Variants in PCDH15 observed in about 807,000 individuals in gnomAD.
PCDH15 encodes protocadherin related 15.
Under a neutral mutation model 178.5 loss-of-function variants are expected in PCDH15, and 129 were observed. The observed-to-expected ratio is 0.72, with a 90% CI of 0.63 to 0.84. The LOEUF is 0.84. Ranked by LOEUF, PCDH15 falls within the 40% of genes least tolerant of loss-of-function variation. PCDH15 has a pLI of 0.00. For missense variants in PCDH15, 2,230 were observed against 2,099.9 expected, an observed-to-expected ratio of 1.06 and a Z score of -1.21; for synonymous variants, 800 against 732.0, an observed-to-expected ratio of 1.09 and a Z score of -1.50.
intron 15 of PCDH15, among the ~76,000 whole-genome samples, chr10:54,131,138 C>T (rs754409066): frequency 6.6e-6 from 1 of 152,118 alleles, no homozygotes; most frequent in African/African-American, 2.4e-5. Context: ...CTTTAACTCA[C>T]AGGTAGAATT....
chr10:54,296,320 A>G lies in PCDH15; in HGVS notation c.876+20951T>C, dbSNP rs56289006. On this transcript the variant is annotated intron_variant, in intron 8 of 37. Coordinates refer to ENST00000644397, the MANE Select transcript of PCDH15 (RefSeq NM_001384140.1). ...TGTACTTCTGGGCTGAGCCGAGGGT[A>G]GACAGAGTGGAAAGCCATTCAGCTC... Among the ~76,000 whole-genome samples the G allele has an allele frequency of 1.6e-3, 238 of 151,702 alleles. 1 individual carries two copies. Among genetic ancestry groups the G allele is most frequent in the African/African-American group, 3.5e-3 (143 of 41,424 alleles).
intron 2 of PCDH15, among the ~76,000 whole-genome samples, chr10:54,986,083 T>C (rs1839356621): frequency 6.6e-6 from 1 of 152,204 alleles, no homozygotes; most frequent in South Asian, 2.1e-4. Context: ...GAGAATATCT[T>C]GTTGTCTTAT....
At chr10:54,488,320 A>AT (rs1274538608) in intron 3 of PCDH15, among the ~76,000 whole-genome samples, 18 of 151,988 alleles carry the variant, frequency 1.2e-4, no homozygotes, top group Non-Finnish European at 2.4e-4. Context: ...CTAAAGTAGA[A>AT]TATTAAAATA....
chr10:54,934,671 C>T (rs1006281432), intron 2 of PCDH15, among the ~76,000 whole-genome samples: 20 of 150,922 alleles, frequency 1.3e-4, no homozygotes, highest in East Asian at 5.9e-4. Flanking sequence ...GTCAGTGTGG[C>T]GATTCCTCAG....
At chr10:54,224,291 A>AT (rs932542343) in intron 9 of PCDH15, among the ~76,000 whole-genome samples, 6 of 152,110 alleles carry the variant, frequency 3.9e-5, no homozygotes, top group African/African-American at 7.2e-5. Flanking sequence ...TCTCCAGGTA[A>AT]TTTTTTTGTG....
intron 2 of PCDH15, among the ~76,000 whole-genome samples, chr10:54,905,762 CT>C (rs368529025): frequency 2.5e-4 from 38 of 152,182 alleles, no homozygotes; most frequent in African/African-American, 8.4e-4. Flanking sequence ...GGGTTGAGAT[CT>C]CTGAGTCATG....
At chr10:54,009,389 G>C (rs2092496195) in intron 20 of PCDH15, among the ~76,000 whole-genome samples, 1 of 151,844 alleles carries the variant, frequency 6.6e-6, no homozygotes, top group Non-Finnish European at 1.5e-5. Flanking sequence ...GATGGAAGGA[G>C]CTTACGATCT....
rs1325366877 is a variant in PCDH15 at position 53,945,835 on chromosome 10, T to TTG, written c.3123-4862_3123-4861dup. ...ATTTTTAAGGCTGAGTAATATTTCATTGTATATATATATATATATATATAT... is the reference window on the plus strand; with the variant it reads ...ATTTTTAAGGCTGAGTAATATTTCATTGTGTATATATATATATATATATATAT... On this transcript the variant is annotated intron_variant, in intron 23 of 37. Transcript: ENST00000644397. Among the ~76,000 whole-genome samples, 64 of 92,388 alleles carry TTG rather than the reference T, an allele frequency of 6.9e-4. 1 individual carries two copies. Among genetic ancestry groups the TTG allele is most frequent in the African/African-American group, 2.5e-3 (56 of 22,280 alleles). 60.6% of individuals were successfully genotyped at this position (92,388 alleles called of 152,430 possible). A position where few individuals can be genotyped will look rare whatever the true frequency, so the allele number is the denominator to read the frequency against.
At chr10:54,470,685 T>A (rs1390284095) in intron 3 of PCDH15, among the ~76,000 whole-genome samples, 1 of 152,112 alleles carries the variant, frequency 6.6e-6, no homozygotes, top group Non-Finnish European at 1.5e-5. Context: ...TGGGGAGCAT[T>A]TGCTTACTCT....
At chr10:54,621,467 C>A (rs761097732) in intron 2 of PCDH15, among the ~76,000 whole-genome samples, 2 of 151,866 alleles carry the variant, frequency 1.3e-5, no homozygotes, top group Non-Finnish European at 2.9e-5. Flanking sequence ...GCCTTGGAGT[C>A]CCGTTGTTCT....
rs552172461 is a variant in PCDH15 at position 54,392,228 on chromosome 10, G to A, written c.158-13286C>T. 1.9e-4 allele frequency among the ~76,000 whole-genome samples: 29 copies of A among 152,060 alleles called. No individual in the cohort carries two copies. The South Asian group carries it at 5.8e-3, about 30-fold the overall frequency. ...ACCTGTAATCACAACACTTTGGGAG[G>A]CTGAGGCAGGTGGATCTCCTGAGGC... On this transcript the variant is annotated intron_variant, in intron 3 of 37. Transcript: ENST00000644397.
chr10:55,527,497 C>T (rs1221567397), intron 2 of PCDH15, among the ~76,000 whole-genome samples: 1 of 151,942 alleles, frequency 6.6e-6, no homozygotes, highest in Non-Finnish European at 1.5e-5. Context: ...ATGACTTCAT[C>T]TTAAGGAATT....
At chr10:55,444,274 A>G (rs1589033576) in intron 2 of PCDH15, among the ~76,000 whole-genome samples, 1 of 104,160 alleles carries the variant, frequency 9.6e-6, no homozygotes, top group African/African-American at 4.6e-5. Context: ...CCCAGAAAGT[A>G]AAGTGTAATT....
At chr10:55,035,074 T>TA (rs1224895680) in intron 2 of PCDH15, among the ~76,000 whole-genome samples, 2 of 152,142 alleles carry the variant, frequency 1.3e-5, no homozygotes, top group Non-Finnish European at 2.9e-5. Flanking sequence ...ATGAAATAGA[T>TA]AGATACTATT....
chr10:55,434,610 A>ATT (rs1258536148), intron 2 of PCDH15, among the ~76,000 whole-genome samples: 1 of 64,846 alleles, frequency 1.5e-5, no homozygotes, highest in African/African-American at 1.4e-4. Context: ...TCATGACATT[A>ATT]ATTTTTTTTT....
chr10:54,070,339 G>C (rs1161250100), intron 17 of PCDH15, among the ~76,000 whole-genome samples: 2 of 152,042 alleles, frequency 1.3e-5, no homozygotes, highest in Non-Finnish European at 2.9e-5. Context: ...GAGTAGCTGG[G>C]ATTACAGACA....
intron 21 of PCDH15, among the ~76,000 whole-genome samples, chr10:53,992,381 G>A (rs370712797): frequency 9.6e-4 from 146 of 152,138 alleles, no homozygotes; most frequent in African/African-American, 3.3e-3. Flanking sequence ...CACCAGTTTC[G>A]GAGACAATAT....
At chr10:54,701,933 A>G (rs1427755581) in intron 1 of PCDH15, among the ~76,000 whole-genome samples, 1 of 152,056 alleles carries the variant, frequency 6.6e-6, no homozygotes, top group Admixed American at 6.6e-5. Context: ...TGGAACCTGA[A>G]CTTGACACTT....
At chr10:54,997,959 T>A (rs1162272015) in intron 2 of PCDH15, among the ~76,000 whole-genome samples, 1 of 152,138 alleles carries the variant, frequency 6.6e-6, no homozygotes, top group African/African-American at 2.4e-5. Context: ...AATTGTAGAA[T>A]GTTCTCATCT....
Sources: gnomAD v4.1 joint callset for allele counts (sites outside exome capture counted in the v4.1 genomes callset) on GRCh38, gnomAD v4.1.1 for gene constraint, MANE v1.5 for transcripts, NCBI Gene and HGNC (gene_info 2026-07-23, HGNC 2026-07-21) for gene names.